The following RPE65 variants were observed in gnomAD, a reference collection of about 807,000 sequenced individuals.
RPE65 encodes the protein retinoid isomerohydrolase RPE65, also known as retinoid isomerohydrolase.
Under a neutral mutation model 68.5 loss-of-function variants are expected in RPE65, and 58 were observed. The ratio of observed to expected loss-of-function variants is 0.85; its 90% CI spans 0.69 to 1.05. The LOEUF (loss-of-function observed/expected upper bound fraction) is 1.05, where lower values mean the gene tolerates loss of function less well. Among genes scored for constraint, RPE65 ranks in the 50% least tolerant of loss-of-function variants. The pLI is 0.00. For synonymous variants in RPE65, 220 were observed against 222.2 expected, an observed-to-expected ratio of 0.99 and a Z score of 0.09; for missense variants, 643 against 629.9, an observed-to-expected ratio of 1.02 and a Z score of -0.22.
intron 2 of RPE65, 150 bp from the exon 3 acceptor site, chr1:68,447,010 C>A: frequency 2.9e-6 from 3 of 1,028,128 alleles, no homozygotes; most frequent in Non-Finnish European, 4.4e-6. Flanking sequence ...TCGCGCTGGA[C>A]AGCACTTAGA....
At chr1:68,433,333 C>T (rs1395455590) in intron 10 of RPE65, among the ~76,000 whole-genome samples, 1 of 151,956 alleles carries the variant, frequency 6.6e-6, no homozygotes, top group East Asian at 1.9e-4. Flanking sequence ...AAAAATGATC[C>T]ATCGAAAAGG....
rs1645824066 is a variant in RPE65, at chr1:68,431,279, T to A, written c.1338+3A>T. On this transcript the variant is annotated splice_donor_region_variant and intron_variant, in intron 12 of 13. Coordinates refer to ENST00000262340, the MANE Select transcript of RPE65 (RefSeq NM_000329.3). ...TCAAATATTAGTAAGAAGGATTAAT[T>A]ACCCTATCTGGAACAAAGTGATTCA... The A allele has an allele frequency of 6.2e-7, 1 of 1,613,496 alleles. No homozygotes were observed. Among genetic ancestry groups the A allele is most frequent in the Non-Finnish European group, 8.5e-7 (1 of 1,179,522 alleles).
intron 2 of RPE65, 128 bp downstream of exon 2, chr1:68,448,496 C>T (rs1645958414): frequency 1.2e-6 from 1 of 827,462 alleles, no homozygotes; most frequent in Non-Finnish European, 2.0e-6. Context: ...CTATAAAAAG[C>T]CCAAACCACC....
At chr1:68,434,641 ATATAT>A (rs1420870460) in intron 10 of RPE65, among the ~76,000 whole-genome samples, 2 of 150,916 alleles carry the variant, frequency 1.3e-5, no homozygotes, top group Non-Finnish European at 2.9e-5. Context: ...TCTATGTTTA[ATATAT>A]TATTTATGTG....
chr1:68,431,332 G>T lies in RPE65; in HGVS notation c.1288C>A (p.Pro430Thr). 1.2e-6 allele frequency: 2 copies of T among 1,613,946 alleles called. No homozygotes were observed. Among genetic ancestry groups the T allele is most frequent in the Non-Finnish European group, 1.7e-6 (2 of 1,179,906 alleles). ...QINYQKYCGK[P>T]YTYAYGLGLN... ...CCAAGTCCATACGCATATGTGTAAG[G>T]TTTCCCACAATACTTCTGGTAATTG... Residue 430 changes from proline (P) to threonine (T), a missense_variant, in exon 12 of 14, where the codon CCT (proline) becomes ACT (threonine). By Grantham distance (38) the Pro-to-Thr change is conservative (BLOSUM62 -1). Transcript: ENST00000262340.
chr1:68,435,105 G>T (rs138018979), intron 10 of RPE65, among the ~76,000 whole-genome samples: 1 of 152,086 alleles, frequency 6.6e-6, no homozygotes, highest in Non-Finnish European at 1.5e-5. Flanking sequence ...AATGGGCACC[G>T]TATAACCCTC....
chr1:68,442,564 T>G (rs1012972701), intron 5 of RPE65, among the ~76,000 whole-genome samples: 2 of 152,232 alleles, frequency 1.3e-5, no homozygotes, highest in Non-Finnish European at 2.9e-5. Context: ...TTTAAGGGAA[T>G]CAGGCTGGAG....
Position 68,431,052 on chromosome 1 carries a change from T to G in RPE65, c.1450+13A>C, listed in dbSNP as rs371783875. 216 of 1,599,772 alleles carry G rather than the reference T, an allele frequency of 1.4e-4. No individual in the cohort carries two copies. Among genetic ancestry groups the G allele is most frequent in the Non-Finnish European group, 1.8e-4 (209 of 1,167,232 alleles). On this transcript the variant is annotated intron_variant, in intron 13 of 13. Transcript: ENST00000262340. ...TAAGAAGAGTATTCAGACACAACAA[T>G]TGCTTTCATTACCATCATCTTCTTC... is the stretch of plus-strand genomic sequence containing the variant.
intron 9 of RPE65, among the ~76,000 whole-genome samples, chr1:68,438,597 T>A (rs549388118): frequency 9.2e-5 from 14 of 152,326 alleles, no homozygotes; most frequent in Non-Finnish European, 1.3e-4. Context: ...GTTGTCTTCT[T>A]AGTGATTTGG....
In RPE65 at chr1:68,438,223, T is replaced by G; in HGVS notation, c.1092A>C (p.Glu364Asp). Residue 364 changes from glutamate (E) to aspartate (D), a missense_variant, in exon 10 of 14, where the codon GAA (glutamate) becomes GAC (aspartate). Physicochemically the swap from Glu to Asp is conservative, Grantham distance 45. Coordinates refer to ENST00000262340, the MANE Select transcript of RPE65 (RefSeq NM_000329.3). ...KKNARKAPQP[E>D]VRRYVLPLNI... ...TCAAAGGAAGTACATATCTCCTAACTTCAGGTTGGGGAGCCTTTCTGGCAT... is the reference window on the plus strand; with the variant it reads ...TCAAAGGAAGTACATATCTCCTAACGTCAGGTTGGGGAGCCTTTCTGGCAT... 2 of 1,614,002 alleles carry G rather than the reference T, an allele frequency of 1.2e-6. No homozygotes were observed.
At position 68,429,459 on chromosome 1, in the gene RPE65, A is replaced by C. The variant is rs1446378814; in HGVS notation, c.*317T>G. ...TAATTGGAGCAGATAGGTACCTAAA[A>C]TATGCTCTTATAATAGGAATTAAAA... is the stretch of plus-strand genomic sequence containing the variant. On this transcript the variant is annotated 3_prime_UTR_variant, in exon 14 of 14. Transcript: ENST00000262340. 3.0e-6 allele frequency: 1 copy of C among 334,680 alleles called. No individual in the cohort carries two copies. The highest frequency in any genetic ancestry group is 2.2e-5 in the African/African-American group (1 of 46,376). The allele number at this position is 334,680 out of a possible 1,614,324, so 20.7% of individuals were successfully genotyped here.
Position 68,431,564 on chromosome 1 carries a change from C to A in RPE65, c.1150G>T (p.Val384Phe), listed in dbSNP as rs1645826797. The change falls in exon 11 of 14, where the codon GTC becomes TTC. Residue 384 changes from valine (V) to phenylalanine (F), a missense_variant. Physicochemically the swap from Val to Phe is conservative, Grantham distance 50. Coordinates refer to ENST00000262340, the MANE Select transcript of RPE65 (RefSeq NM_000329.3). ...GTGGCAGTTGTATTGGGGAGCGTGACTAAATTCTTGCCTGTGTCAGCCTAG... is the reference window on the plus strand; with the variant it reads ...GTGGCAGTTGTATTGGGGAGCGTGAATAAATTCTTGCCTGTGTCAGCCTAG... ...IDKADTGKNLVTLPNTTATAI... is the reference protein window; with the variant it reads ...IDKADTGKNLFTLPNTTATAI... 1 of 1,613,840 alleles carries A rather than the reference C, an allele frequency of 6.2e-7. No homozygotes were observed. Among genetic ancestry groups the A allele is most frequent in the Non-Finnish European group, 8.5e-7 (1 of 1,179,840 alleles).
chr1:68,435,410 C>G (rs1343203753), intron 10 of RPE65, among the ~76,000 whole-genome samples: 1 of 152,158 alleles, frequency 6.6e-6, no homozygotes, highest in East Asian at 1.9e-4. Context: ...TCTATTCTTA[C>G]ATATTTCATT....
Position 68,431,082 on chromosome 1 carries a change from G to C in RPE65, c.1433C>G (p.Ala478Gly), listed in dbSNP as rs377763733. ...SEPIFVSHPDALEEDDGVVLS... is the reference protein window; with the variant it reads ...SEPIFVSHPDGLEEDDGVVLS... ...TTCATTACCATCATCTTCTTCCAAG[G>C]CATCTGGGTGAGAAACAAAGATGGG... is the stretch of plus-strand genomic sequence containing the variant. Residue 478 changes from alanine (A) to glycine (G), a missense_variant, in exon 13 of 14, where the codon GCC (alanine) becomes GGC (glycine). Transcript: ENST00000262340. 5.0e-6 allele frequency: 8 copies of C among 1,613,320 alleles called. No individual in the cohort carries two copies. Among genetic ancestry groups the C allele is most frequent in the Middle Eastern group, 1.6e-4 (1 of 6,080 alleles).
chr1:68,435,430 A>T (rs868491464), intron 10 of RPE65, among the ~76,000 whole-genome samples: 1 of 152,132 alleles, frequency 6.6e-6, no homozygotes, highest in South Asian at 2.1e-4. Context: ...TATCATTTCA[A>T]TACCATTAAT....
chr1:68,432,829 C>T (rs954459136), intron 10 of RPE65, among the ~76,000 whole-genome samples: 2 of 152,080 alleles, frequency 1.3e-5, no homozygotes, highest in African/African-American at 4.8e-5. Flanking sequence ...TTGTAGTAGT[C>T]TAGTTGAAAG....
chr1:68,429,826 C>T lies in RPE65; in HGVS notation c.1552G>A (p.Val518Met), dbSNP rs759518248. 3.0e-5 allele frequency: 49 copies of T among 1,613,700 alleles called. 1 individual carries two copies. The highest frequency in any genetic ancestry group is 4.2e-5 in the Non-Finnish European group (49 of 1,179,822). ...KDLSEVARAE[V>M]EINIPVTFHG... Reference sequence around the variant, plus strand: ...AAGGTGACAGGGATGTTAATCTCCACTTCAGCCCGGGCAACTTCACTTAAG... The same window carrying T: ...AAGGTGACAGGGATGTTAATCTCCATTTCAGCCCGGGCAACTTCACTTAAG... Residue 518 changes from valine (V) to methionine (M), a missense_variant, in exon 14 of 14, where the codon GTG (valine) becomes ATG (methionine). Val to Met is a conservative substitution (Grantham distance 21, BLOSUM62 1). Coordinates refer to ENST00000262340, the MANE Select transcript of RPE65 (RefSeq NM_000329.3).
chr1:68,444,602 C>T lies in RPE65; in HGVS notation c.424G>A (p.Asp142Asn), dbSNP rs1359997339. ...TTGGTCTCTGTGCAAGCGTAGTAAT[C>T]TTCCCCCACTGGGTAGACATTAACA... is the stretch of plus-strand genomic sequence containing the variant. Reference protein sequence around the residue: ...ALVNVYPVGEDYYACTETNFI... With the variant: ...ALVNVYPVGENYYACTETNFI... Residue 142 changes from aspartate to asparagine, a missense_variant, in exon 5 of 14, where the codon GAT (aspartate) becomes AAT (asparagine). By Grantham distance (23) the Asp-to-Asn change is conservative. Transcript: ENST00000262340. 6.2e-7 allele frequency: 1 copy of T among 1,614,052 alleles called. No individual in the cohort carries two copies. Among genetic ancestry groups the T allele is most frequent in the Non-Finnish European group, 8.5e-7 (1 of 1,180,040 alleles).
chr1:68,433,082 T>C (rs1029154799), intron 10 of RPE65, among the ~76,000 whole-genome samples: 2 of 152,144 alleles, frequency 1.3e-5, no homozygotes, highest in African/African-American at 4.8e-5. Flanking sequence ...TCAAGTCTTG[T>C]CTTATTAGAC....
Sources: gnomAD v4.1 joint callset for allele counts (sites outside exome capture counted in the v4.1 genomes callset) on GRCh38, gnomAD v4.1.1 for gene constraint, MANE v1.5 for transcripts, NCBI Gene and HGNC (gene_info 2026-07-23, HGNC 2026-07-21) for gene names.